Variants in MCPH1 observed in about 807,000 individuals in gnomAD.
The protein encoded by MCPH1 is microcephalin 1.
MCPH1 carries 104 observed loss-of-function variants against 84.5 expected under a neutral mutation model. That is an observed-to-expected ratio of 1.23 (90% CI 1.05 to 1.45). The LOEUF (loss-of-function observed/expected upper bound fraction) is 1.45. Among genes scored for constraint, MCPH1 ranks in the 40% most tolerant of loss-of-function variants. The pLI is 0.00. For missense variants in MCPH1, 1,498 were observed against 1,005.7 expected (o/e 1.49, Z -6.62); for synonymous variants, 514 against 366.8 (o/e 1.40, Z -4.58).
At chr8:6,499,659 A>C in intron 11 of MCPH1, 193 bp from the exon 12 acceptor site, 1 of 553,768 alleles carries the variant, frequency 1.8e-6, no homozygotes, top group South Asian at 2.3e-5. Flanking sequence ...ACTTTTTCTC[A>C]ATCAACTTTT....
At chr8:6,503,511 G>C (rs972493106) in intron 12 of MCPH1, among the ~76,000 whole-genome samples, 2 of 152,202 alleles carry the variant, frequency 1.3e-5, no homozygotes, top group African/African-American at 4.8e-5. Flanking sequence ...GCTGTGTGGA[G>C]AGGCCTGAAT....
chr8:6,422,812 C>T lies in MCPH1; in HGVS notation c.233+7929C>T, dbSNP rs867788967. 2.4e-4 allele frequency among the ~76,000 whole-genome samples: 36 copies of T among 152,252 alleles called. No individual in the cohort carries two copies. The Middle Eastern group carries it at 0.014, about 58-fold the overall frequency. The stretch of plus-strand genomic sequence containing the variant: ...CATGCCATTCTCCTGCCTCAGCCTC[C>T]CGAGTAGCTGGGACTACCGGAGCCC... On this transcript the variant is annotated intron_variant, in intron 3 of 13. Coordinates refer to ENST00000344683, the MANE Select transcript of MCPH1 (RefSeq NM_024596.5).
At chr8:6,513,608 C>T (rs13277236) in intron 12 of MCPH1, 482,104 of 1,362,450 alleles carry the variant, frequency 0.35, 88,023 homozygotes, top group Middle Eastern at 0.45. Context: ...GCTGGGATTA[C>T]AGGCGTGAGC....
chr8:6,532,529 A>G, intron 12 of MCPH1: 2 of 1,468,932 alleles, frequency 1.4e-6, no homozygotes, highest in African/African-American at 1.4e-5. Flanking sequence ...TAGTCAAATG[A>G]CCGGAAACCT....
intron 11 of MCPH1, among the ~76,000 whole-genome samples, chr8:6,489,467 C>G (rs1236312645): frequency 6.6e-6 from 1 of 152,086 alleles, no homozygotes; most frequent in Non-Finnish European, 1.5e-5. Flanking sequence ...GAGACAGAAG[C>G]CACTGTTTGA....
At chr8:6,487,562 G>A (rs1419079821) in intron 11 of MCPH1, among the ~76,000 whole-genome samples, 2 of 152,174 alleles carry the variant, frequency 1.3e-5, no homozygotes, top group Non-Finnish European at 2.9e-5. Flanking sequence ...TTAACTTTCA[G>A]TTGGCAGATT....
At chr8:6,562,037 C>T (rs1313244516) in intron 12 of MCPH1, among the ~76,000 whole-genome samples, 1 of 152,180 alleles carries the variant, frequency 6.6e-6, no homozygotes, top group Non-Finnish European at 1.5e-5. Context: ...GAACTGTGCC[C>T]CTGTTTACAG....
In MCPH1 at chr8:6,522,349, C is replaced by T. The variant is rs1307557580; in HGVS notation, c.2214+22420C>T. On this transcript the variant is annotated intron_variant, in intron 12 of 13. Transcript: ENST00000344683. ...CAGCCTGGGCGACAGAGCGAGACTC[C>T]GTCTCAAAAAAAAAGAAAAAAAAAT... 2.7e-5 allele frequency among the ~76,000 whole-genome samples: 4 copies of T among 149,788 alleles called. No individual in the cohort carries two copies. The South Asian group carries it at 6.4e-4, about 24-fold the overall frequency.
At chr8:6,533,006 C>A (rs1819814202) in intron 12 of MCPH1, among the ~76,000 whole-genome samples, 1 of 152,224 alleles carries the variant, frequency 6.6e-6, no homozygotes, top group Non-Finnish European at 1.5e-5. Flanking sequence ...TTCCTTTTAA[C>A]CTACGGAATC....
chr8:6,611,978 T>C (rs554379037), intron 12 of MCPH1, among the ~76,000 whole-genome samples: 6 of 152,302 alleles, frequency 3.9e-5, no homozygotes, highest in Admixed American at 6.5e-5. Flanking sequence ...TCATTGGCCA[T>C]TGAGTGAACC....
chr8:6,407,648 G>A (rs953992223), intron 1 of MCPH1, among the ~76,000 whole-genome samples: 2 of 152,146 alleles, frequency 1.3e-5, no homozygotes, highest in African/African-American at 4.8e-5. Context: ...AATCAGATGT[G>A]GCTATTTTTC....
At chr8:6,468,740 A>G (rs1417842981) in intron 9 of MCPH1, among the ~76,000 whole-genome samples, 5 of 150,448 alleles carry the variant, frequency 3.3e-5, no homozygotes, top group African/African-American at 1.2e-4. Context: ...GATCACTATT[A>G]TTGTATTATT....
intron 9 of MCPH1, among the ~76,000 whole-genome samples, chr8:6,463,548 C>A (rs766531653): frequency 6.6e-6 from 1 of 151,952 alleles, no homozygotes; most frequent in Admixed American, 6.6e-5. Context: ...AGGAGCCTTG[C>A]AGTGGAAAGA....
At chr8:6,527,343 A>C (rs1246293319) in intron 12 of MCPH1, among the ~76,000 whole-genome samples, 1 of 152,244 alleles carries the variant, frequency 6.6e-6, no homozygotes, top group African/African-American at 2.4e-5. Flanking sequence ...GGGGCCAGGG[A>C]ATGAAAGGTA....
chr8:6,457,787 CT>C (rs1805859434), intron 9 of MCPH1, among the ~76,000 whole-genome samples: 1 of 152,142 alleles, frequency 6.6e-6, no homozygotes, highest in Non-Finnish European at 1.5e-5. Context: ...TAGGTTTCCC[CT>C]CTTTCGCAGG....
At chr8:6,625,104 A>C (rs1831929746) in intron 13 of MCPH1, 1 of 802,622 alleles carries the variant, frequency 1.2e-6, no homozygotes, top group Non-Finnish European at 1.5e-6. Context: ...CAAACCCCCA[A>C]CCTCAAGTGA....
chr8:6,581,743 A>G (rs1177661410), intron 12 of MCPH1, among the ~76,000 whole-genome samples: 8 of 152,196 alleles, frequency 5.3e-5, no homozygotes, highest in Non-Finnish European at 8.8e-5. Context: ...ACAACATATC[A>G]TTCAAACTGG....
rs567845854 is a variant in MCPH1 at position 6,625,164 on chromosome 8, C to T, written c.2452+3473C>T. On this transcript the variant is annotated intron_variant, in intron 13 of 13. Coordinates refer to ENST00000344683, the MANE Select transcript of MCPH1 (RefSeq NM_024596.5). ...TGCTGGGATTACAGGCGTGAGCCAC[C>T]GTGCCTGGCCGAAATCACCTATTTT... is the stretch of plus-strand genomic sequence containing the variant. 5.8e-5 allele frequency: 57 copies of T among 985,132 alleles called. No individual in the cohort carries two copies. In the African/African-American group the frequency reaches 8.7e-4, roughly 15 times the overall value. 61.0% of individuals were successfully genotyped at this position (985,132 alleles called of 1,614,324 possible).
At chr8:6,562,552 C>CTTTTTGTTTTTTTTTTTTTTTTT (rs1825702942) in intron 12 of MCPH1, 1 of 71,748 alleles carries the variant, frequency 1.4e-5, no homozygotes, top group Non-Finnish European at 2.6e-5. Context: ...CATCCTCCTT[C>CTTTTTGTTTTTTTTTTTTTTTTT]TTTTTTTTTT....
Sources: allele counts gnomAD v4.1 joint callset (sites outside exome capture counted in the v4.1 genomes callset), GRCh38; gene constraint gnomAD v4.1.1; transcripts MANE v1.5; gene names NCBI Gene and HGNC (gene_info 2026-07-23, HGNC 2026-07-21).